The following TSR1 variants were observed in gnomAD, a reference collection of about 807,000 sequenced individuals.
The protein encoded by TSR1 is TSR1 ribosome maturation factor.
Under a neutral mutation model 90.9 loss-of-function variants are expected in TSR1, and 81 were observed. That is an observed-to-expected ratio of 0.89 (90% CI 0.74 to 1.07). The LOEUF is 1.07. TSR1 is among the 50% of genes least tolerant of loss of function. The probability of loss-of-function intolerance (pLI) is 0.00; values close to 1 mark genes in which losing one functional copy is unlikely to be tolerated. For synonymous variants in TSR1, 362 were observed against 348.8 expected, an observed-to-expected ratio of 1.04 and a Z score of -0.42; for missense variants, 989 against 987.3, an observed-to-expected ratio of 1.00 and a Z score of -0.02.
rs1050423985 is a variant in TSR1, at chr17:2,323,318, C to G, written c.*878G>C. ...TTATCAGGGACCTTGTGGATGATAT[C>G]TTCACTGTCACAGAGGATGAAATTA... On this transcript the variant is annotated 3_prime_UTR_variant, in exon 15 of 15. Transcript: ENST00000301364. The G allele has an allele frequency of 6.2e-7, 1 of 1,614,022 alleles. No homozygotes were observed. Among genetic ancestry groups the G allele is most frequent in the Admixed American group, 1.7e-5 (1 of 60,008 alleles).
At chr17:2,326,436 T>C (rs2075576562) in intron 11 of TSR1, among the ~76,000 whole-genome samples, 2 of 152,048 alleles carry the variant, frequency 1.3e-5, no homozygotes. Flanking sequence ...TCTCTCAGTA[T>C]CTCAGGACCC....
Position 2,323,011 on chromosome 17 carries a change from C to A in TSR1, c.*1185G>T. ...AACTCCTGACCTCAGCTGATCCACC[C>A]GCCTCGGGCTCCCAAAGTGTTGGGA... On this transcript the variant is annotated 3_prime_UTR_variant, in exon 15 of 15. Transcript: ENST00000301364. 1.1e-6 allele frequency: 1 copy of A among 948,996 alleles called. No homozygotes were observed. Among genetic ancestry groups the A allele is most frequent in the Non-Finnish European group, 1.6e-6 (1 of 627,334 alleles). 58.8% of individuals were successfully genotyped at this position (948,996 alleles called of 1,614,324 possible). A position where few individuals can be genotyped will look rare whatever the true frequency, so the allele number is the denominator to read the frequency against.
In TSR1 at chr17:2,323,572, G is replaced by C. The variant is rs932254216; in HGVS notation, c.*624C>G. 20 of 1,412,588 alleles carry C rather than the reference G, an allele frequency of 1.4e-5. No individual in the cohort carries two copies. The highest frequency in any genetic ancestry group is 1.8e-5 in the Non-Finnish European group (18 of 1,007,686). 87.5% of individuals were successfully genotyped at this position (1,412,588 alleles called of 1,614,324 possible). A position where few individuals can be genotyped will look rare whatever the true frequency, so the allele number is the denominator to read the frequency against. On this transcript the variant is annotated 3_prime_UTR_variant, in exon 15 of 15. Coordinates refer to ENST00000301364, the MANE Select transcript of TSR1 (RefSeq NM_018128.5). ...ACACAGTGATAAGAAAATTCAAACT[G>C]GACACGTATTCTCATCTGAACTTTA...
In TSR1 at chr17:2,324,297, G is replaced by A. The variant is rs767241753; in HGVS notation, c.2314C>T (p.Arg772Ter). Reference sequence around the variant, plus strand: ...TCATAAGTCCATTTGGGGAAGACTCGTTTATACAGGTTCATCAGTACTGTG... The same window carrying A: ...TCATAAGTCCATTTGGGGAAGACTCATTTATACAGGTTCATCAGTACTGTG... ...QDTVLMNLYK[R>*]VFPKWTYDPY... The change falls in exon 15 of 15, where the codon CGA becomes TGA. Residue 772 changes from arginine to a stop codon, truncating the protein, a stop_gained. Coordinates refer to ENST00000301364, the MANE Select transcript of TSR1 (RefSeq NM_018128.5). LOFTEE classifies it high-confidence loss of function. 3.0e-5 allele frequency: 47 copies of A among 1,561,306 alleles called. No individual in the cohort carries two copies. The highest frequency in any genetic ancestry group is 3.8e-5 in the Non-Finnish European group (44 of 1,158,494).
chr17:2,328,336 C>G (rs1238521401), intron 11 of TSR1, among the ~76,000 whole-genome samples: 3 of 151,010 alleles, frequency 2.0e-5, no homozygotes, highest in African/African-American at 7.3e-5. Flanking sequence ...CACCTGAGAC[C>G]AGGAGTTCAA....
At chr17:2,329,109 C>CAA (rs2075591033) in intron 11 of TSR1, 1 of 752,398 alleles carries the variant, frequency 1.3e-6, no homozygotes, top group Middle Eastern at 2.3e-4. Flanking sequence ...TGCTATGGAA[C>CAA]AAATACTCAT....
chr17:2,332,611 C>T (rs539771106), intron 7 of TSR1, among the ~76,000 whole-genome samples: 20 of 152,180 alleles, frequency 1.3e-4, no homozygotes, highest in Middle Eastern at 3.4e-3. Flanking sequence ...CCAAGGCAGG[C>T]GGATCATGAG....
At chr17:2,333,225 G>A (rs772991360) in intron 6 of TSR1, 101 bp from the exon 7 acceptor site, 2 of 1,351,632 alleles carry the variant, frequency 1.5e-6, no homozygotes, top group Non-Finnish European at 2.1e-6. Flanking sequence ...TGCCAACATG[G>A]GAAATTCTGG....
In TSR1 at chr17:2,334,511, T is replaced by G. The variant is rs991398303; in HGVS notation, c.942A>C (p.Arg314Ser). 5.6e-6 allele frequency: 9 copies of G among 1,614,020 alleles called. No individual in the cohort carries two copies. Among genetic ancestry groups the G allele is most frequent in the Non-Finnish European group, 7.6e-6 (9 of 1,180,020 alleles). ...APGDPFPLNPRGIKPQKDPDM... is the reference protein window; with the variant it reads ...APGDPFPLNPSGIKPQKDPDM... Reference sequence around the variant, plus strand: ...CTGGGTCCTTTTGGGGTTTAATTCCTCTAGGATTTAAAGGGAAAGGGTCTC... The same window carrying G: ...CTGGGTCCTTTTGGGGTTTAATTCCGCTAGGATTTAAAGGGAAAGGGTCTC... Residue 314 changes from arginine to serine, a missense_variant, in exon 5 of 15, where the codon AGA becomes AGC. Coordinates refer to ENST00000301364, the MANE Select transcript of TSR1 (RefSeq NM_018128.5).
At chr17:2,330,360 T>C in intron 10 of TSR1, 155 bp downstream of exon 10, 1 of 769,620 alleles carries the variant, frequency 1.3e-6, no homozygotes, top group Non-Finnish European at 2.4e-6. Flanking sequence ...AAACCATCAT[T>C]GACTTCTCTA....
intron 11 of TSR1, among the ~76,000 whole-genome samples, chr17:2,327,412 A>AT (rs1023124517): frequency 3.6e-4 from 44 of 123,912 alleles, no homozygotes; most frequent in Non-Finnish European, 6.7e-4. Flanking sequence ...GTTGGACTCT[A>AT]TATCAAAAAA....
rs2064083598 is a variant in TSR1 at position 2,336,398 on chromosome 17, C to T, written c.30G>A (p.Lys10=). 1.9e-6 allele frequency: 3 copies of T among 1,612,532 alleles called. No homozygotes were observed. Among genetic ancestry groups the T allele is most frequent in the Non-Finnish European group, 1.7e-6 (2 of 1,180,038 alleles). ...CGCCTTTATGAGCTTTATTCTGCTG[C>T]TTGAGCGGGCCGGGGCGGTGGGCCG... The part of the protein sequence containing the change: MAAHRPGPL[K]QQNKAHKGGR... Residue 10 remains lysine (K), a synonymous_variant, in exon 1 of 15, where the codon AAG becomes AAA. Transcript: ENST00000301364.
rs1247070050 is a variant in TSR1, at chr17:2,324,939, C to T, written c.2021-110G>A. 3.2e-6 allele frequency: 4 copies of T among 1,251,924 alleles called. No individual in the cohort carries two copies. The East Asian group carries it at 7.5e-5, about 24-fold the overall frequency. The allele number at this position is 1,251,924 out of a possible 1,614,324, so 77.6% of individuals were successfully genotyped here. The stretch of plus-strand genomic sequence containing the variant: ...AAGAGCCTGGTTTGTCATCCCTGCC[C>T]TAGCCCAATCTGAGGCTAAGATTGG... On this transcript the variant is annotated intron_variant, in intron 12 of 14. Coordinates refer to ENST00000301364, the MANE Select transcript of TSR1 (RefSeq NM_018128.5).
intron 11 of TSR1, among the ~76,000 whole-genome samples, chr17:2,327,086 CAAGAGTGAAACTCCATCTCCCAAAAAAA>C (rs2075580003): frequency 6.6e-6 from 1 of 151,200 alleles, no homozygotes; most frequent in Admixed American, 6.6e-5. Flanking sequence ...GCCTGGGCAA[CAAGAGTGAAACTCCATCTCCCAAAAAAA>C]AAAATTTTTT....
chr17:2,328,621 A>C (rs1196717405), intron 11 of TSR1, among the ~76,000 whole-genome samples: 3 of 150,666 alleles, frequency 2.0e-5, no homozygotes, highest in Non-Finnish European at 3.0e-5. Flanking sequence ...AACAAAAAAA[A>C]ACAAAAAAAA....
chr17:2,329,396 T>G lies in TSR1; in HGVS notation c.1850A>C (p.His617Pro). The G allele has an allele frequency of 6.2e-7, 1 of 1,614,144 alleles. No individual in the cohort carries two copies. Among genetic ancestry groups the G allele is most frequent in the Non-Finnish European group, 8.5e-7 (1 of 1,180,030 alleles). ...PVKAKEELIF[H>P]CGFRRFRASP... Reference sequence around the variant, plus strand: ...GGCTCGGAAGCGCCTGAATCCACAGTGAAATATGAGCTCTTCCTTGGCTTT... The same window carrying G: ...GGCTCGGAAGCGCCTGAATCCACAGGGAAATATGAGCTCTTCCTTGGCTTT... The change falls in exon 11 of 15, where the codon CAC (histidine) becomes CCC (proline). Residue 617 changes from histidine (H) to proline (P), a missense_variant. Transcript: ENST00000301364.
chr17:2,334,126 C>G (rs758209645), intron 5 of TSR1, among the ~76,000 whole-genome samples: 3 of 152,160 alleles, frequency 2.0e-5, no homozygotes, highest in African/African-American at 7.2e-5. Flanking sequence ...TTATGTGAAG[C>G]TTGCTAGTCT....
chr17:2,325,360 T>A lies in TSR1; in HGVS notation c.1964A>T (p.Tyr655Phe). 2 of 1,613,790 alleles carry A rather than the reference T, an allele frequency of 1.2e-6. No homozygotes were observed. Among genetic ancestry groups the A allele is most frequent in the Non-Finnish European group, 1.7e-6 (2 of 1,179,974 alleles). ...TGCAGGAGGAAAAGTGATTGGCGCA[T>A]AGACTGTCGCCACCAGGGCCATGTC... ...TADMALVATVYAPITFPPASV... is the reference protein window; with the variant it reads ...TADMALVATVFAPITFPPASV... Residue 655 changes from tyrosine to phenylalanine, a missense_variant, in exon 12 of 15, where the codon TAT (tyrosine) becomes TTT (phenylalanine). Physicochemically the swap from Tyr to Phe is conservative, Grantham distance 22. Transcript: ENST00000301364.
chr17:2,330,750 A>G lies in TSR1; in HGVS notation c.1660-125T>C, dbSNP rs986683612. On this transcript the variant is annotated intron_variant, in intron 9 of 14. Transcript: ENST00000301364. ...TTAAAGCCAACCCTCATCCTTCAAG[A>G]TGCTTCATTTACCCAGATCACACTT... 3 of 1,131,690 alleles carry G rather than the reference A, an allele frequency of 2.7e-6. No individual in the cohort carries two copies. In the African/African-American group the frequency reaches 4.7e-5, roughly 18 times the overall value. 70.1% of individuals were successfully genotyped at this position (1,131,690 alleles called of 1,614,324 possible).
Sources: gnomAD v4.1 joint callset for allele counts (sites outside exome capture counted in the v4.1 genomes callset) on GRCh38, gnomAD v4.1.1 for gene constraint, MANE v1.5 for transcripts, NCBI Gene and HGNC (gene_info 2026-07-23, HGNC 2026-07-21) for gene names.